The following MICAL3 variants were observed in gnomAD, a reference collection of about 807,000 sequenced individuals.
MICAL3 encodes the protein [F-actin]-monooxygenase MICAL3.
MICAL3 carries 62 observed loss-of-function variants against 207.4 expected under a neutral mutation model. The ratio of observed to expected loss-of-function variants is 0.30; its 90% CI spans 0.24 to 0.37. The LOEUF (loss-of-function observed/expected upper bound fraction) is 0.37, where lower values mean the gene tolerates loss of function less well. MICAL3 is among the 10% of genes least tolerant of loss of function. The probability of loss-of-function intolerance (pLI) is 1.00; values close to 1 mark genes in which losing one functional copy is unlikely to be tolerated. For synonymous variants in MICAL3, 1,077 were observed against 1,069.3 expected, an observed-to-expected ratio of 1.01 and a Z score of -0.14; for missense variants, 2,368 against 2,635.6, an observed-to-expected ratio of 0.90 and a Z score of 2.22.
At chr22:17,995,247 G>T (rs1328612638) in intron 1 of MICAL3, among the ~76,000 whole-genome samples, 5 of 152,090 alleles carry the variant, frequency 3.3e-5, no homozygotes, top group African/African-American at 1.2e-4. Flanking sequence ...TGTGATTATA[G>T]CTCACTGCAG....
intron 1 of MICAL3, among the ~76,000 whole-genome samples, chr22:17,962,498 C>T (rs1000876445): frequency 2.6e-5 from 4 of 152,160 alleles, no homozygotes; most frequent in African/African-American, 7.2e-5. Context: ...AAAGCAGCAC[C>T]GCCTGATTGC....
At chr22:17,944,602 C>CAGCA (rs1281071335) in intron 1 of MICAL3, among the ~76,000 whole-genome samples, 14 of 152,174 alleles carry the variant, frequency 9.2e-5, no homozygotes, top group African/African-American at 3.4e-4. Flanking sequence ...CCTGAGAACC[C>CAGCA]AGCAGTGCCA....
At chr22:17,959,773 C>G (rs1216532855) in intron 1 of MICAL3, among the ~76,000 whole-genome samples, 1 of 151,948 alleles carries the variant, frequency 6.6e-6, no homozygotes, top group Non-Finnish European at 1.5e-5. Flanking sequence ...CTCTCCCTGC[C>G]CATAAGAACA....
At chr22:17,906,505 G>C (rs895635511) in intron 2 of MICAL3, 44 bp downstream of exon 2, 18 of 1,612,210 alleles carry the variant, frequency 1.1e-5, no homozygotes, top group Middle Eastern at 1.8e-4. Context: ...GAGGGAGAAG[G>C]CATCTCGTCA....
At chr22:17,881,889 C>T (rs1929464971) in intron 16 of MICAL3, among the ~76,000 whole-genome samples, 1 of 151,972 alleles carries the variant, frequency 6.6e-6, no homozygotes, top group African/African-American at 2.4e-5. Flanking sequence ...CCTGGCTTTT[C>T]CCTCATTTCT....
At chr22:17,824,488 TTA>T (rs1921960495) in intron 22 of MICAL3, among the ~76,000 whole-genome samples, 1 of 152,220 alleles carries the variant, frequency 6.6e-6, no homozygotes, top group Non-Finnish European at 1.5e-5. Context: ...AGGGTGGCAG[TTA>T]TATGATTTTC....
chr22:17,999,034 G>C (rs548090465), intron 1 of MICAL3, among the ~76,000 whole-genome samples: 1 of 152,134 alleles, frequency 6.6e-6, no homozygotes, highest in African/African-American at 2.4e-5. Context: ...TCAGAGGCAC[G>C]GCCCAGCAAA....
intron 1 of MICAL3, among the ~76,000 whole-genome samples, chr22:17,921,642 C>A (rs1835012768): frequency 6.6e-6 from 1 of 152,120 alleles, no homozygotes; most frequent in African/African-American, 2.4e-5. Context: ...GCATGTGCGA[C>A]CACACCTGGA....
At chr22:17,999,656 T>C (rs1922707931) in intron 1 of MICAL3, among the ~76,000 whole-genome samples, 1 of 152,148 alleles carries the variant, frequency 6.6e-6, no homozygotes, top group East Asian at 1.9e-4. Context: ...TCATCCCAGG[T>C]GGGGGTTTGG....
At chr22:17,989,644 C>G (rs57284059) in intron 1 of MICAL3, among the ~76,000 whole-genome samples, 1 of 152,122 alleles carries the variant, frequency 6.6e-6, no homozygotes, top group Non-Finnish European at 1.5e-5. Context: ...GTTCAAATTG[C>G]ATCTCCTCCG....
chr22:17,793,349 G>T lies in MICAL3; in HGVS notation c.5651-2048C>A, dbSNP rs1473918172. The stretch of plus-strand genomic sequence containing the variant: ...AGGGCACTGGTGTAGATCAGTCTTT[G>T]TAAGGACAGTATTCCTTGACTCTCC... On this transcript the variant is annotated intron_variant, in intron 29 of 31. Coordinates refer to ENST00000441493, the MANE Select transcript of MICAL3 (RefSeq NM_015241.3). The surrounding 1 kb of genome is among the most constrained non-coding windows in gnomAD (Gnocchi z 4.1). Among the ~76,000 whole-genome samples, 1 of 148,148 alleles carries T rather than the reference G, an allele frequency of 6.8e-6. No homozygotes were observed. Among genetic ancestry groups the T allele is most frequent in the Admixed American group, 6.8e-5 (1 of 14,790 alleles).
intron 22 of MICAL3, among the ~76,000 whole-genome samples, chr22:17,824,946 C>T (rs1283058421): frequency 6.6e-6 from 1 of 152,224 alleles, no homozygotes; most frequent in African/African-American, 2.4e-5. Flanking sequence ...GGAACAGAAT[C>T]TGGCCCATCC....
chr22:17,881,335 C>T (rs780363364), intron 16 of MICAL3: 9 of 1,557,168 alleles, frequency 5.8e-6, no homozygotes, highest in South Asian at 2.3e-5. Context: ...ACAGAGAGAA[C>T]ATCATTCAAA....
chr22:17,893,987 G>A, intron 10 of MICAL3, 83 bp from the exon 11 acceptor site: 1 of 975,422 alleles, frequency 1.0e-6, no homozygotes. Flanking sequence ...ATGGCTGAAA[G>A]GAAAGTCTGG....
At chr22:17,827,326 G>T (rs1223468961) in intron 22 of MICAL3, among the ~76,000 whole-genome samples, 3 of 152,148 alleles carry the variant, frequency 2.0e-5, no homozygotes, top group African/African-American at 7.2e-5. Context: ...AACGTTTTAC[G>T]AAGTGAGGAA....
chr22:17,952,954 A>G (rs1934421337), intron 1 of MICAL3, among the ~76,000 whole-genome samples: 1 of 152,192 alleles, frequency 6.6e-6, no homozygotes, highest in African/African-American at 2.4e-5. Flanking sequence ...CCTGACTCGG[A>G]GCAGCTATCC....
chr22:17,947,773 C>T (rs1384966705), intron 1 of MICAL3, among the ~76,000 whole-genome samples: 1 of 152,136 alleles, frequency 6.6e-6, no homozygotes, highest in African/African-American at 2.4e-5. Context: ...CTTGCTATGT[C>T]ACCCAGGTGA....
chr22:17,863,238 T>TA (rs956058293), intron 19 of MICAL3: 28 of 985,442 alleles, frequency 2.8e-5, no homozygotes, highest in Non-Finnish European at 3.3e-5. Flanking sequence ...TAATTCTTTT[T>TA]AAAAAATGTT....
At position 17,863,676 on chromosome 22, in the gene MICAL3, T is replaced by C. The variant is rs1262135355; in HGVS notation, c.2605+1223A>G. 6 of 985,354 alleles carry C rather than the reference T, an allele frequency of 6.1e-6. No homozygotes were observed. The East Asian group carries it at 5.7e-4, about 93-fold the overall frequency. The allele number at this position is 985,354 out of a possible 1,614,324, so 61.0% of individuals were successfully genotyped here. On this transcript the variant is annotated intron_variant, in intron 19 of 31. Coordinates refer to ENST00000441493, the MANE Select transcript of MICAL3 (RefSeq NM_015241.3). ...TTCACCTGGCTTGGCTGGGTTCTCA[T>C]GGCTCCCAGGGCACACCGCCTAGCC...
Sources: allele counts gnomAD v4.1 joint callset (sites outside exome capture counted in the v4.1 genomes callset), GRCh38; gene constraint gnomAD v4.1.1; non-coding constraint Gnocchi (gnomAD v3.1); transcripts MANE v1.5; gene names NCBI Gene and HGNC (gene_info 2026-07-23, HGNC 2026-07-21).